PRKCQ: variants seen among roughly 807,000 people sequenced by gnomAD.
PRKCQ encodes protein kinase C theta type.
In PRKCQ, 41 loss-of-function variants were observed where a neutral mutation model predicts 91.2. The ratio of observed to expected loss-of-function variants is 0.45; its 90% confidence interval spans 0.35 to 0.58. The LOEUF is 0.58. Among genes scored for constraint, PRKCQ ranks in the 20% least tolerant of loss-of-function variants. PRKCQ has a pLI of 0.00. For missense variants in PRKCQ, 673 were observed against 896.5 expected, an observed-to-expected ratio of 0.75 and a Z score of 3.18; for synonymous variants, 307 against 316.9, an observed-to-expected ratio of 0.97 and a Z score of 0.33.
chr10:6,496,191 G>A (rs558994240), intron 7 of PRKCQ, among the ~76,000 whole-genome samples: 1 of 133,968 alleles, frequency 7.5e-6, no homozygotes, highest in African/African-American at 3.0e-5. Context: ...ACTCCAGCCT[G>A]GGTAAACAGA....
At chr10:6,514,206 T>C (rs1036396388) in intron 2 of PRKCQ, among the ~76,000 whole-genome samples, 8 of 152,132 alleles carry the variant, frequency 5.3e-5, no homozygotes, top group African/African-American at 1.9e-4. Flanking sequence ...AAGTGTCTGC[T>C]AAAATCAAAA....
chr10:6,547,417 A>G (rs1840003503), intron 1 of PRKCQ, among the ~76,000 whole-genome samples: 4 of 152,014 alleles, frequency 2.6e-5, no homozygotes, highest in Non-Finnish European at 2.9e-5. Flanking sequence ...AAGAGCCCGC[A>G]TCGCCAAGTC....
At chr10:6,433,355 C>G (rs1833513314) in intron 16 of PRKCQ, among the ~76,000 whole-genome samples, 2 of 152,180 alleles carry the variant, frequency 1.3e-5, no homozygotes, top group Non-Finnish European at 2.9e-5. Context: ...GTCTTCTTTC[C>G]TACCACACTG....
chr10:6,460,597 T>G (rs1835268298), intron 14 of PRKCQ, among the ~76,000 whole-genome samples: 1 of 152,150 alleles, frequency 6.6e-6, no homozygotes, highest in Non-Finnish European at 1.5e-5. Context: ...GTTCAAGTGA[T>G]TCTTGTGCCT....
At chr10:6,577,420 T>C (rs1016051500) in intron 1 of PRKCQ, among the ~76,000 whole-genome samples, 2 of 152,228 alleles carry the variant, frequency 1.3e-5, no homozygotes, top group South Asian at 4.1e-4. Flanking sequence ...AAAGCTGAGC[T>C]GAACACATAG....
chr10:6,413,776 G>GCGCGCGCACA, the PRKCQ span, among the ~76,000 whole-genome samples: 3 of 108,412 alleles, frequency 2.8e-5, no homozygotes, highest in Non-Finnish European at 1.8e-5. Flanking sequence ...TGCCACTTGT[G>GCGCGCGCACA]CACACACACA....
intron 7 of PRKCQ, among the ~76,000 whole-genome samples, chr10:6,496,267 C>G (rs1242621285): frequency 6.7e-6 from 1 of 149,692 alleles, no homozygotes; most frequent in Non-Finnish European, 1.5e-5. Flanking sequence ...TGCACTTGTA[C>G]CTCCTAAATA....
rs1837698601 is a variant in PRKCQ at position 6,497,801 on chromosome 10, A to C, written c.543-550T>G. ...TGGCATGTGGATACCCTGGTTACAC[A>C]GGAGCTGTGCTTTAACAGTTTCTGC... On this transcript the variant is annotated intron_variant, in intron 5 of 17. Coordinates refer to ENST00000263125, the MANE Select transcript of PRKCQ (RefSeq NM_006257.5). This position sits in a 1 kb window ranked among gnomAD's most constrained non-coding sequence, Gnocchi z 4.5. Among the ~76,000 whole-genome samples the C allele has an allele frequency of 6.6e-6, 1 of 152,256 alleles. No individual in the cohort carries two copies. The highest frequency in any genetic ancestry group is 1.5e-5 in the Non-Finnish European group (1 of 68,040).
At position 6,441,824 on chromosome 10, in the gene PRKCQ, G is replaced by A. The variant is rs2132259230; in HGVS notation, c.1836+69C>T. 4 of 1,460,814 alleles carry A rather than the reference G, an allele frequency of 2.7e-6. No homozygotes were observed. The East Asian group carries it at 9.2e-5, about 34-fold the overall frequency. 90.5% of individuals were successfully genotyped at this position (1,460,814 alleles called of 1,614,324 possible). ...TTGCCACATGCAAGTTGGAAACTAA[G>A]AGGAACAGAAAACTGACCAGAAGAC... On this transcript the variant is annotated intron_variant, in intron 16 of 17. Coordinates refer to ENST00000263125, the MANE Select transcript of PRKCQ (RefSeq NM_006257.5).
At chr10:6,539,287 C>T (rs1588399339) in intron 1 of PRKCQ, among the ~76,000 whole-genome samples, 1 of 152,244 alleles carries the variant, frequency 6.6e-6, no homozygotes, top group East Asian at 1.9e-4. Context: ...AGCAGGGGTC[C>T]TCCAGCCCCC....
chr10:6,444,411 T>C (rs1834133734), intron 15 of PRKCQ, among the ~76,000 whole-genome samples: 1 of 152,190 alleles, frequency 6.6e-6, no homozygotes, highest in Non-Finnish European at 1.5e-5. Flanking sequence ...GTAAATTTCA[T>C]GTTACGTGTA....
At chr10:6,419,843 C>A in the PRKCQ span, among the ~76,000 whole-genome samples, 2 of 152,056 alleles carry the variant, frequency 1.3e-5, no homozygotes, top group East Asian at 3.9e-4. Context: ...TGCATGCCAC[C>A]ATGCCTAGCT....
chr10:6,556,836 A>G (rs1327368784), intron 1 of PRKCQ, among the ~76,000 whole-genome samples: 1 of 152,084 alleles, frequency 6.6e-6, no homozygotes, highest in Non-Finnish European at 1.5e-5. Context: ...CTCCAAAACC[A>G]TGACTCTGCC....
At chr10:6,507,360 A>G (rs1056364771) in intron 4 of PRKCQ, 76 bp downstream of exon 4, 89 of 1,359,216 alleles carry the variant, frequency 6.5e-5, no homozygotes, top group Non-Finnish European at 8.7e-5. Flanking sequence ...AATAATTGCA[A>G]AGGTAAAATA....
chr10:6,479,690 G>A (rs1231567360), intron 11 of PRKCQ, among the ~76,000 whole-genome samples: 1 of 150,444 alleles, frequency 6.6e-6, no homozygotes, highest in Non-Finnish European at 1.5e-5. Context: ...AGCACTTTGG[G>A]AGGTCAAGGC....
At chr10:6,534,799 T>TAG (rs765379833) in intron 1 of PRKCQ, among the ~76,000 whole-genome samples, 12,019 of 147,546 alleles carry the variant, frequency 0.081, 640 homozygotes, top group Middle Eastern at 0.21. Context: ...TATAGATATA[T>TAG]ATATATATAT....
intron 13 of PRKCQ, among the ~76,000 whole-genome samples, chr10:6,463,576 C>T (rs894834673): frequency 6.6e-6 from 1 of 152,190 alleles, no homozygotes; most frequent in Admixed American, 6.5e-5. Flanking sequence ...TTTTAAGAAG[C>T]TGGCGGACCA....
chr10:6,462,411 C>T (rs775917156), intron 13 of PRKCQ, 46 bp from the exon 14 acceptor site: 49 of 1,587,682 alleles, frequency 3.1e-5, no homozygotes, highest in Admixed American at 8.4e-5. Flanking sequence ...TGTCATGGAA[C>T]GAAATAAAAT....
chr10:6,428,868 T>TAGTA (rs1833262930), intron 17 of PRKCQ, among the ~76,000 whole-genome samples: 1 of 152,194 alleles, frequency 6.6e-6, no homozygotes, highest in Admixed American at 6.5e-5. Context: ...TTAATTTTAT[T>TAGTA]AGTAAGTATC....
Sources: allele counts gnomAD v4.1 joint callset (sites outside exome capture counted in the v4.1 genomes callset), GRCh38; gene constraint gnomAD v4.1.1; non-coding constraint Gnocchi (gnomAD v3.1); transcripts MANE v1.5; gene names NCBI Gene and HGNC (gene_info 2026-07-23, HGNC 2026-07-21).